Variants in ZBTB16 observed in about 807,000 individuals in gnomAD.
The protein encoded by ZBTB16 is zinc finger and BTB domain-containing protein 16.
ZBTB16 carries 8 observed loss-of-function variants against 56.8 expected under a neutral mutation model. That is an observed-to-expected ratio of 0.14 (90% CI 0.08 to 0.25). ZBTB16 has a LOEUF of 0.25. Among genes scored for constraint, ZBTB16 ranks in the 10% least tolerant of loss-of-function variants. ZBTB16 has a pLI of 1.00. For synonymous variants in ZBTB16, 363 were observed against 368.5 expected, an observed-to-expected ratio of 0.98 and a Z score of 0.17; for missense variants, 625 against 903.0, an observed-to-expected ratio of 0.69 and a Z score of 3.95.
At chr11:114,098,171 A>G (rs1184979489) in intron 2 of ZBTB16, among the ~76,000 whole-genome samples, 1 of 152,182 alleles carries the variant, frequency 6.6e-6, no homozygotes. Context: ...AGGAAATTCA[A>G]AGTGAAAATC....
intron 3 of ZBTB16, among the ~76,000 whole-genome samples, chr11:114,178,075 G>A (rs1277785592): frequency 1.3e-5 from 2 of 152,148 alleles, no homozygotes; most frequent in Non-Finnish European, 2.9e-5. Flanking sequence ...GACGGTAGGG[G>A]TGTCATTTCC....
chr11:114,237,518 A>C (rs1944616601), intron 4 of ZBTB16, among the ~76,000 whole-genome samples: 1 of 152,210 alleles, frequency 6.6e-6, no homozygotes, highest in Non-Finnish European at 1.5e-5. Context: ...AAGGGAGCAG[A>C]GCGTTCCAGT....
intron 2 of ZBTB16, among the ~76,000 whole-genome samples, chr11:114,149,049 A>G (rs1942218543): frequency 6.6e-6 from 1 of 152,158 alleles, no homozygotes; most frequent in South Asian, 2.1e-4. Context: ...GAGAGGATGA[A>G]TCTGGTATGG....
At chr11:114,132,396 A>G (rs1016493542) in intron 2 of ZBTB16, among the ~76,000 whole-genome samples, 1 of 152,234 alleles carries the variant, frequency 6.6e-6, no homozygotes, top group Non-Finnish European at 1.5e-5. Context: ...TGCAGCCCAA[A>G]CACACTTCAT....
At chr11:114,134,222 G>A (rs1259750060) in intron 2 of ZBTB16, among the ~76,000 whole-genome samples, 16 of 152,146 alleles carry the variant, frequency 1.1e-4, no homozygotes. Flanking sequence ...TTGTCTTGGC[G>A]CCAAAGTAGG....
chr11:114,067,695 C>T (rs1309847234), intron 2 of ZBTB16, among the ~76,000 whole-genome samples: 2 of 152,122 alleles, frequency 1.3e-5, no homozygotes, highest in African/African-American at 4.8e-5. Flanking sequence ...GTGTGTGCCA[C>T]CCTGCTGGGC....
chr11:114,141,597 T>C (rs1278019023), intron 2 of ZBTB16, among the ~76,000 whole-genome samples: 1 of 152,256 alleles, frequency 6.6e-6, no homozygotes, highest in Non-Finnish European at 1.5e-5. Context: ...AACAGTATTG[T>C]TAGTCTGCTT....
rs765725435 is a variant in ZBTB16 at position 114,119,541 on chromosome 11, C to T, written c.1269-36796C>T. 4.6e-5 allele frequency among the ~76,000 whole-genome samples: 7 copies of T among 151,952 alleles called. No individual in the cohort carries two copies. In the East Asian group the frequency reaches 7.7e-4, roughly 17 times the overall value. ...CTGGTGAAACTGGAAAGAGAAAGTA[C>T]GACAGGTGCTGTGTTTTTTGTATGG... is the stretch of plus-strand genomic sequence containing the variant. On this transcript the variant is annotated intron_variant, in intron 2 of 6. Transcript: ENST00000335953.
At chr11:114,127,048 T>G (rs180973574) in intron 2 of ZBTB16, among the ~76,000 whole-genome samples, 1 of 152,290 alleles carries the variant, frequency 6.6e-6, no homozygotes, top group East Asian at 1.9e-4. Context: ...GACCCAGCCT[T>G]GGACCCCAGG....
rs373057819 is a variant in ZBTB16, at chr11:114,067,404, TTTG to T, written c.1268+2855_1268+2857del. Among the ~76,000 whole-genome samples the T allele has an allele frequency of 8.7e-4, 132 of 152,000 alleles. No individual in the cohort carries two copies. The South Asian group carries it at 0.023, about 26-fold the overall frequency. On this transcript the variant is annotated intron_variant, in intron 2 of 6. Transcript: ENST00000335953. ...GGGCTGCTGACAGGAAGAATGTGCT[TTTG>T]TTGTTGTTGTTGTTGTTGAGGCAGA...
intron 2 of ZBTB16, among the ~76,000 whole-genome samples, chr11:114,088,860 GA>G (rs1940066941): frequency 6.6e-6 from 1 of 152,228 alleles, no homozygotes; most frequent in African/African-American, 2.4e-5. Context: ...ATTGTGGCAG[GA>G]ATAGGCCAGG....
chr11:114,220,233 A>G (rs889069487), intron 4 of ZBTB16, among the ~76,000 whole-genome samples: 8 of 152,232 alleles, frequency 5.3e-5, no homozygotes, highest in African/African-American at 1.9e-4. Context: ...GCAGACTTCC[A>G]GTACAAGGAA....
At chr11:114,085,262 T>G (rs1939918175) in intron 2 of ZBTB16, among the ~76,000 whole-genome samples, 1 of 152,210 alleles carries the variant, frequency 6.6e-6, no homozygotes. Context: ...TCTCTTCCAT[T>G]CTATCTTATT....
chr11:114,246,634 G>C (rs952357669), intron 5 of ZBTB16, among the ~76,000 whole-genome samples: 2 of 152,192 alleles, frequency 1.3e-5, no homozygotes, highest in Non-Finnish European at 2.9e-5. Flanking sequence ...GCGTCCACGC[G>C]GGGGTATCAT....
chr11:114,146,167 C>A (rs549277727), intron 2 of ZBTB16, among the ~76,000 whole-genome samples: 1 of 152,058 alleles, frequency 6.6e-6, no homozygotes, highest in Non-Finnish European at 1.5e-5. Flanking sequence ...GAAGTCCCTG[C>A]GAGACCCACA....
intron 2 of ZBTB16, among the ~76,000 whole-genome samples, chr11:114,154,247 G>A (rs990739616): frequency 6.6e-6 from 1 of 152,198 alleles, no homozygotes; most frequent in Non-Finnish European, 1.5e-5. Flanking sequence ...CCAAATGGGT[G>A]TTCGTCCTCC....
chr11:114,205,504 C>G (rs1216499847), intron 4 of ZBTB16, among the ~76,000 whole-genome samples: 1 of 152,126 alleles, frequency 6.6e-6, no homozygotes, highest in Non-Finnish European at 1.5e-5. Flanking sequence ...TTCCCTGCCC[C>G]CAGTAGGAGA....
intron 4 of ZBTB16, among the ~76,000 whole-genome samples, chr11:114,196,438 G>A (rs1448442948): frequency 9.2e-6 from 1 of 108,426 alleles, no homozygotes; most frequent in Non-Finnish European, 1.9e-5. Flanking sequence ...TCTGAGGCTG[G>A]GAAGCTTAAG....
chr11:114,142,985 T>A (rs375932721), intron 2 of ZBTB16, among the ~76,000 whole-genome samples: 1 of 152,190 alleles, frequency 6.6e-6, no homozygotes, highest in African/African-American at 2.4e-5. Context: ...AGTTAGTGAG[T>A]GGGGCTGTGA....
Sources: gnomAD v4.1 joint callset for allele counts (sites outside exome capture counted in the v4.1 genomes callset) on GRCh38, gnomAD v4.1.1 for gene constraint, MANE v1.5 for transcripts, NCBI Gene and HGNC (gene_info 2026-07-23, HGNC 2026-07-21) for gene names.